The following AFF1 variants were observed in gnomAD, a reference collection of about 807,000 sequenced individuals.
AFF1 encodes ALF transcription elongation factor 1, also known as AF4/FMR2 family member 1.
A neutral mutation model predicts 121.7 loss-of-function variants in AFF1; 48 were observed. The ratio of observed to expected loss-of-function variants is 0.39; its 90% CI spans 0.31 to 0.50. The LOEUF (loss-of-function observed/expected upper bound fraction) is 0.50. AFF1 is among the 20% of genes least tolerant of loss of function. AFF1 has a pLI of 0.76. For synonymous variants in AFF1, 613 were observed against 563.0 expected, an observed-to-expected ratio of 1.09 and a Z score of -1.26; for missense variants, 1,523 against 1,511.7, an observed-to-expected ratio of 1.01 and a Z score of -0.12.
At chr4:87,030,991 C>T (rs1188127914) in intron 2 of AFF1, among the ~76,000 whole-genome samples, 2 of 152,164 alleles carry the variant, frequency 1.3e-5, no homozygotes, top group Admixed American at 1.3e-4. Flanking sequence ...CGAAAACTGA[C>T]AGTTTTCCAC....
intron 2 of AFF1, among the ~76,000 whole-genome samples, chr4:87,033,986 A>G (rs1378879603): frequency 1.3e-5 from 2 of 152,158 alleles, no homozygotes; most frequent in Admixed American, 6.5e-5. Flanking sequence ...AGCCACATGC[A>G]TTCTTCCTTG....
At chr4:87,022,908 A>T (rs78634340) in intron 2 of AFF1, among the ~76,000 whole-genome samples, 6,753 of 151,492 alleles carry the variant, frequency 0.045, 486 homozygotes, top group African/African-American at 0.15. Context: ...TTTTATTTTT[A>T]ATTTATTTAT....
At chr4:86,940,207 T>C (rs1009009595) in intron 1 of AFF1, among the ~76,000 whole-genome samples, 5 of 152,172 alleles carry the variant, frequency 3.3e-5, no homozygotes, top group African/African-American at 1.2e-4. Context: ...ACTCTCAAGC[T>C]AACTAACCTG....
chr4:87,099,466 G>A (rs574288289), intron 8 of AFF1, among the ~76,000 whole-genome samples: 5 of 152,316 alleles, frequency 3.3e-5, no homozygotes, highest in South Asian at 2.1e-4. Context: ...CTGGAGTGCA[G>A]TGGGGTGACC....
intron 12 of AFF1, among the ~76,000 whole-genome samples, chr4:87,117,615 C>G (rs1727256900): frequency 6.6e-6 from 1 of 152,150 alleles, no homozygotes; most frequent in Non-Finnish European, 1.5e-5. Flanking sequence ...CAAAGTTGGT[C>G]AAGTGTGCAG....
At chr4:86,995,663 A>AACCTCC (rs1230098846) in intron 2 of AFF1, among the ~76,000 whole-genome samples, 2 of 150,610 alleles carry the variant, frequency 1.3e-5, no homozygotes, top group Non-Finnish European at 3.0e-5. Flanking sequence ...GGCTCGCTAC[A>AACCTCC]ACCTCCACCT....
At chr4:86,935,664 C>T (rs1719917513) in intron 1 of AFF1, 1 of 152,436 alleles carries the variant, frequency 6.6e-6, no homozygotes, top group Middle Eastern at 3.4e-3. Flanking sequence ...GGGTTCTTCT[C>T]TCCTGCACCC....
rs1369437154 is a variant in AFF1 at position 87,137,540 on chromosome 4, C to T, written c.*1839C>T. 4.3e-6 allele frequency: 1 copy of T among 230,746 alleles called. No homozygotes were observed. The highest frequency in any genetic ancestry group is 8.6e-6 in the Non-Finnish European group (1 of 116,562). The allele number at this position is 230,746 out of a possible 1,614,324, so 14.3% of individuals were successfully genotyped here. On this transcript the variant is annotated 3_prime_UTR_variant, in exon 21 of 21. Transcript: ENST00000395146. ...TGTTTAGGTGAAAGCCAGAGAATGA[C>T]AGCTGTAGTCATATCTGAGCATAAG...
At position 87,140,540 on chromosome 4, in the gene AFF1, G is replaced by T. The variant is rs1729637528; in HGVS notation, c.*4839G>T. 1 of 176,766 alleles carries T rather than the reference G, an allele frequency of 5.7e-6. No individual in the cohort carries two copies. The highest frequency in any genetic ancestry group is 2.0e-4 in the South Asian group (1 of 5,022). The allele number at this position is 176,766 out of a possible 1,614,324, so 10.9% of individuals were successfully genotyped here. On this transcript the variant is annotated 3_prime_UTR_variant, in exon 21 of 21. Coordinates refer to ENST00000395146, the MANE Select transcript of AFF1 (RefSeq NM_001166693.3). ...AACTTTGGAGGAAAGTCAAATCTTG[G>T]TATTATTAAAATTGTTTTAAAAAGG...
At chr4:86,958,310 C>T (rs1237837960) in intron 2 of AFF1, among the ~76,000 whole-genome samples, 1 of 151,780 alleles carries the variant, frequency 6.6e-6, no homozygotes, top group Non-Finnish European at 1.5e-5. Context: ...AGGCTGGTCT[C>T]AAACTCCTGA....
intron 14 of AFF1, among the ~76,000 whole-genome samples, 193 bp downstream of exon 14, chr4:87,126,529 C>T (rs778024051): frequency 1.1e-4 from 17 of 152,056 alleles, no homozygotes; most frequent in Admixed American, 2.0e-4. Context: ...ATTTAGGTGT[C>T]GATTTATTCT....
chr4:87,036,987 A>G (rs1463854529), intron 2 of AFF1, among the ~76,000 whole-genome samples: 1 of 152,060 alleles, frequency 6.6e-6, no homozygotes, highest in African/African-American at 2.4e-5. Flanking sequence ...GTGTGCCACC[A>G]TGCCCAGCTA....
chr4:86,950,219 C>T lies in AFF1; in HGVS notation c.38+1648C>T, dbSNP rs1578831847. The T allele has an allele frequency of 1.2e-5, 14 of 1,123,444 alleles. 1 individual carries two copies. Among genetic ancestry groups the T allele is most frequent in the South Asian group, 1.2e-4 (9 of 77,394 alleles). The allele number at this position is 1,123,444 out of a possible 1,614,324, so 69.6% of individuals were successfully genotyped here. ...TTAAGACAAAGTTTCGCTATTGTTGCCCCGGCTGGAGTGCAGTGCCATGAT... is the reference window on the plus strand; with the variant it reads ...TTAAGACAAAGTTTCGCTATTGTTGTCCCGGCTGGAGTGCAGTGCCATGAT... On this transcript the variant is annotated intron_variant, in intron 2 of 20. Coordinates refer to ENST00000395146, the MANE Select transcript of AFF1 (RefSeq NM_001166693.3).
rs763599500 is a variant in AFF1 at position 87,105,613 on chromosome 4, C to T, written c.1284-15C>T. On this transcript the variant is annotated splice_polypyrimidine_tract_variant and intron_variant, in intron 8 of 20. Transcript: ENST00000395146. Reference sequence around the variant, plus strand: ...ATTTCACATTCATTCTTCTCTGTGTCCCTGCCCATTCCAGCATGCTCGAAG... The same window carrying T: ...ATTTCACATTCATTCTTCTCTGTGTTCCTGCCCATTCCAGCATGCTCGAAG... 7.4e-6 allele frequency: 12 copies of T among 1,613,976 alleles called. No individual in the cohort carries two copies. In the South Asian group the frequency reaches 1.1e-4, roughly 15 times the overall value.
intron 5 of AFF1, among the ~76,000 whole-genome samples, chr4:87,085,592 G>A (rs1234357494): frequency 6.6e-6 from 1 of 152,024 alleles, no homozygotes; most frequent in Non-Finnish European, 1.5e-5. Context: ...ACTAAAACCA[G>A]TAATTAAGTA....
chr4:86,988,082 A>G (rs1483981090), intron 2 of AFF1, among the ~76,000 whole-genome samples: 1 of 150,824 alleles, frequency 6.6e-6, no homozygotes, highest in Non-Finnish European at 1.5e-5. Context: ...ATGGAGTTAC[A>G]TATACATTAG....
chr4:86,971,007 G>A (rs191219010), intron 2 of AFF1, among the ~76,000 whole-genome samples: 1 of 152,264 alleles, frequency 6.6e-6, no homozygotes, highest in East Asian at 1.9e-4. Flanking sequence ...GCCATTTGAG[G>A]GTTCCATCAG....
chr4:87,022,093 T>A (rs1391733331), intron 2 of AFF1, among the ~76,000 whole-genome samples: 1 of 150,774 alleles, frequency 6.6e-6, no homozygotes, highest in African/African-American at 2.4e-5. Context: ...TAATCCCAGC[T>A]ACTTGGGAGA....
chr4:87,123,481 T>C (rs958506819), intron 12 of AFF1, among the ~76,000 whole-genome samples: 6 of 152,154 alleles, frequency 3.9e-5, no homozygotes, highest in Non-Finnish European at 1.5e-5. Context: ...TCCTGTATTT[T>C]CCCTTCTTAA....
Sources: gnomAD v4.1 joint callset for allele counts (sites outside exome capture counted in the v4.1 genomes callset) on GRCh38, gnomAD v4.1.1 for gene constraint, MANE v1.5 for transcripts, NCBI Gene and HGNC (gene_info 2026-07-23, HGNC 2026-07-21) for gene names.